LRRTM4: variants seen among roughly 807,000 people sequenced by gnomAD.
LRRTM4 encodes leucine-rich repeat transmembrane neuronal protein 4.
LRRTM4 carries 25 observed loss-of-function variants against 47.6 expected under a neutral mutation model. The ratio of observed to expected loss-of-function variants is 0.53; its 90% CI spans 0.38 to 0.73. The LOEUF (loss-of-function observed/expected upper bound fraction) is 0.73, where lower values mean the gene tolerates loss of function less well. Among genes scored for constraint, LRRTM4 ranks in the 30% least tolerant of loss-of-function variants. The probability of loss-of-function intolerance (pLI) is 0.00; values close to 1 mark genes in which losing one functional copy is unlikely to be tolerated. For missense variants in LRRTM4, 638 were observed against 713.4 expected, an observed-to-expected ratio of 0.89 and a Z score of 1.20; for synonymous variants, 311 against 269.5, an observed-to-expected ratio of 1.15 and a Z score of -1.51.
intron 3 of LRRTM4, among the ~76,000 whole-genome samples, chr2:77,404,333 C>T (rs1319213838): frequency 6.6e-6 from 1 of 152,052 alleles, no homozygotes; most frequent in Non-Finnish European, 1.5e-5. Flanking sequence ...TTCCCATCAT[C>T]TTTTTTTCTT....
intron 3 of LRRTM4, among the ~76,000 whole-genome samples, chr2:76,922,763 TAAG>T (rs1356218652): frequency 2.0e-5 from 3 of 152,032 alleles, no homozygotes; most frequent in Non-Finnish European, 1.5e-5. Context: ...AAGTGAACCT[TAAG>T]TAGTCTCACC....
rs1313672529 is a variant in LRRTM4 at position 77,511,538 on chromosome 2, A to ATTTGCTAACTTATTTTAAGCAAG, written c.1551+6757_1551+6779dup. Among the ~76,000 whole-genome samples, 89 of 151,992 alleles carry ATTTGCTAACTTATTTTAAGCAAG rather than the reference A, an allele frequency of 5.9e-4. 1 individual carries two copies. The highest frequency in any genetic ancestry group is 2.0e-3 in the African/African-American group (83 of 41,518). ...ATATTTGCTTATTTATTTTAAGCAC[A>ATTTGCTAACTTATTTTAAGCAAG]TTTGCTAACTTATTTTAAGCAAGTT... On this transcript the variant is annotated intron_variant, in intron 3 of 3. Transcript: ENST00000409884.
chr2:76,882,929 G>C (rs1035629436), intron 3 of LRRTM4, among the ~76,000 whole-genome samples: 3 of 151,928 alleles, frequency 2.0e-5, no homozygotes, highest in South Asian at 4.2e-4. Flanking sequence ...CTCTTGCTTG[G>C]ATTGTTTGCT....
At position 77,095,616 on chromosome 2, in the gene LRRTM4, G is replaced by C. The variant is rs74967176; in HGVS notation, c.1552-346700C>G. On this transcript the variant is annotated intron_variant, in intron 3 of 3. Transcript: ENST00000409884. ...CCCCTCCCCGGTTCAAATGATTCTC[G>C]TGCCTCAGCCTCCCAAGTAACTGAG... 2.0e-5 allele frequency among the ~76,000 whole-genome samples: 3 copies of C among 150,416 alleles called. No homozygotes were observed. In the East Asian group the frequency reaches 5.9e-4, roughly 30 times the overall value.
intron 3 of LRRTM4, among the ~76,000 whole-genome samples, chr2:76,890,893 A>T (rs1397161466): frequency 6.6e-6 from 1 of 151,924 alleles, no homozygotes; most frequent in African/African-American, 2.4e-5. Flanking sequence ...ATAAGGGTAC[A>T]GAGGCGTAAC....
At chr2:77,046,040 A>G (rs181579824) in intron 3 of LRRTM4, among the ~76,000 whole-genome samples, 213 of 152,046 alleles carry the variant, frequency 1.4e-3, no homozygotes, top group Admixed American at 3.4e-3. Context: ...CACTGTCTTA[A>G]AGAACATTCC....
intron 3 of LRRTM4, among the ~76,000 whole-genome samples, chr2:77,197,416 A>G (rs1407059068): frequency 6.6e-6 from 1 of 152,146 alleles, no homozygotes; most frequent in East Asian, 1.9e-4. Flanking sequence ...ATTTTCCCAT[A>G]TATCTGTATT....
intron 3 of LRRTM4, among the ~76,000 whole-genome samples, chr2:77,335,725 G>A (rs1233611032): frequency 6.6e-6 from 1 of 152,096 alleles, no homozygotes; most frequent in Non-Finnish European, 1.5e-5. Flanking sequence ...TTTGAACATT[G>A]ATGAATCTCT....
At chr2:77,476,971 T>A (rs969043717) in intron 3 of LRRTM4, among the ~76,000 whole-genome samples, 87 of 127,308 alleles carry the variant, frequency 6.8e-4, no homozygotes, top group South Asian at 4.5e-3. Flanking sequence ...GAGATGTGTG[T>A]GTGTGTGTGT....
intron 3 of LRRTM4, among the ~76,000 whole-genome samples, chr2:77,064,161 T>C (rs1573519392): frequency 6.6e-6 from 1 of 152,238 alleles, no homozygotes; most frequent in East Asian, 1.9e-4. Context: ...ATCTCAAAAC[T>C]GATTCAGCTT....
intron 3 of LRRTM4, among the ~76,000 whole-genome samples, chr2:76,808,369 A>G (rs1190135693): frequency 6.6e-6 from 1 of 152,130 alleles, no homozygotes; most frequent in Non-Finnish European, 1.5e-5. Flanking sequence ...AAAATTACCT[A>G]TAATGTTCAT....
chr2:77,107,865 T>C (rs1671141888), intron 3 of LRRTM4, among the ~76,000 whole-genome samples: 1 of 150,838 alleles, frequency 6.6e-6, no homozygotes, highest in Non-Finnish European at 1.5e-5. Context: ...TAACAAGATT[T>C]AAAGCTATTC....
intron 3 of LRRTM4, among the ~76,000 whole-genome samples, chr2:77,402,187 C>T (rs1278452715): frequency 6.6e-6 from 1 of 151,678 alleles, no homozygotes; most frequent in South Asian, 2.1e-4. Flanking sequence ...GCTATGTCAC[C>T]CAGGCTGGAG....
intron 3 of LRRTM4, among the ~76,000 whole-genome samples, chr2:77,169,692 A>G (rs569125625): frequency 2.0e-5 from 3 of 152,134 alleles, no homozygotes; most frequent in Non-Finnish European, 4.4e-5. Flanking sequence ...ATACATCAGC[A>G]TGTAAACCCT....
chr2:76,876,440 T>G (rs1672781487), intron 3 of LRRTM4, among the ~76,000 whole-genome samples: 1 of 152,106 alleles, frequency 6.6e-6, no homozygotes, highest in African/African-American at 2.4e-5. Flanking sequence ...CTGAAGTATC[T>G]CTATTAAGGC....
chr2:77,244,462 A>T (rs1464070892), intron 3 of LRRTM4, among the ~76,000 whole-genome samples: 1 of 152,156 alleles, frequency 6.6e-6, no homozygotes, highest in Non-Finnish European at 1.5e-5. Context: ...ACAGGCATTT[A>T]TACCTAGATT....
chr2:76,796,828 C>A (rs370779510), intron 3 of LRRTM4, among the ~76,000 whole-genome samples: 1 of 152,166 alleles, frequency 6.6e-6, no homozygotes. Context: ...GTGAAGAAGG[C>A]AGACGCCTCA....
intron 3 of LRRTM4, among the ~76,000 whole-genome samples, chr2:76,944,911 G>A (rs1227218930): frequency 6.6e-6 from 1 of 152,036 alleles, no homozygotes; most frequent in Non-Finnish European, 1.5e-5. Context: ...GTGTTCTACA[G>A]CTCAGGTATA....
intron 3 of LRRTM4, among the ~76,000 whole-genome samples, chr2:77,055,668 G>A (rs1679579286): frequency 6.6e-6 from 1 of 152,014 alleles, no homozygotes; most frequent in Non-Finnish European, 1.5e-5. Flanking sequence ...AATACCATTT[G>A]ACCCAGCCAT....
Sources: allele counts gnomAD v4.1 joint callset (sites outside exome capture counted in the v4.1 genomes callset), GRCh38; gene constraint gnomAD v4.1.1; transcripts MANE v1.5; gene names NCBI Gene and HGNC (gene_info 2026-07-23, HGNC 2026-07-21).